Variants in CDH3 observed in about 807,000 individuals in gnomAD.
CDH3 encodes cadherin 3.
CDH3 carries 54 observed loss-of-function variants against 82.0 expected under a neutral mutation model. The observed-to-expected ratio is 0.66, with a 90% CI of 0.53 to 0.83. The LOEUF is 0.83. Ranked by LOEUF, CDH3 falls within the 40% of genes least tolerant of loss-of-function variation. The pLI is 0.00. For missense variants in CDH3, 1,054 were observed against 1,084.6 expected (o/e 0.97, Z 0.40); for synonymous variants, 446 against 437.9 (o/e 1.02, Z -0.23).
intron 2 of CDH3, among the ~76,000 whole-genome samples, chr16:68,649,995 C>G (rs1050068821): frequency 6.6e-6 from 1 of 151,842 alleles, no homozygotes; most frequent in Non-Finnish European, 1.5e-5. Flanking sequence ...GATCACGCCA[C>G]TGTACTCCAG....
Position 68,687,516 on chromosome 16 carries a change from C to T in CDH3, c.1575C>T (p.Ser525=), listed in dbSNP as rs1239884399. 6.2e-7 allele frequency: 1 copy of T among 1,613,612 alleles called. No individual in the cohort carries two copies. The highest frequency in any genetic ancestry group is 2.2e-5 in the East Asian group (1 of 44,866). Reference sequence around the variant, plus strand: ...CATATGTGTCATTACAAACAGGAAGCCCTCCCACCACTGGCACGGGAACCC... The same window carrying T: ...CATATGTGTCATTACAAACAGGAAGTCCTCCCACCACTGGCACGGGAACCC... ...EVMVLAMDNG[S]PPTTGTGTLL... The change falls in exon 12 of 16, where the codon AGC becomes AGT. Residue 525 remains serine (S), a synonymous_variant. Coordinates refer to ENST00000264012, the MANE Select transcript of CDH3 (RefSeq NM_001793.6).
intron 1 of CDH3, among the ~76,000 whole-genome samples, chr16:68,709,620 G>A (rs1962004032): frequency 6.6e-6 from 1 of 152,076 alleles, no homozygotes; most frequent in Non-Finnish European, 1.5e-5. Context: ...CACCACGCCC[G>A]GCTAATTTTT....
intron 1 of CDH3, among the ~76,000 whole-genome samples, chr16:68,714,879 C>G (rs561062694): frequency 6.6e-6 from 1 of 152,132 alleles, no homozygotes; most frequent in Admixed American, 6.5e-5. Context: ...CATGGTGGCC[C>G]GTGTCTGTAG....
chr16:68,660,603 A>G (rs927997453), intron 2 of CDH3, among the ~76,000 whole-genome samples: 18 of 152,202 alleles, frequency 1.2e-4, no homozygotes, highest in African/African-American at 4.1e-4. Context: ...CTTAAACTCA[A>G]ATATTGCTGC....
downstream of CDH3, among the ~76,000 whole-genome samples, chr16:68,731,384 A>AT (rs1962285451): frequency 1.9e-4 from 5 of 26,556 alleles, no homozygotes; most frequent in Non-Finnish European, 3.6e-4. Flanking sequence ...AAAAAAAAAA[A>AT]AAAAAAAAAA....
chr16:68,731,045 A>AC (rs1396395240), downstream of CDH3, among the ~76,000 whole-genome samples: 2 of 17,242 alleles, frequency 1.2e-4, no homozygotes, highest in African/African-American at 2.9e-4. Flanking sequence ...AAAAAAAAAA[A>AC]AAATATATAT....
chr16:68,651,082 C>A, intron 2 of CDH3: 1 of 427,434 alleles, frequency 2.3e-6, no homozygotes, highest in Non-Finnish European at 4.5e-6. Flanking sequence ...CTTCCCTGGG[C>A]CTGGGCAGTC....
At chr16:68,709,122 G>T (rs1212748538) in intron 1 of CDH3, among the ~76,000 whole-genome samples, 2 of 151,948 alleles carry the variant, frequency 1.3e-5, no homozygotes, top group Non-Finnish European at 2.9e-5. Flanking sequence ...CATCTACTAG[G>T]CTGAGTGCAG....
intron 2 of CDH3, chr16:68,722,622 G>C (rs1232497720): frequency 1.3e-5 from 2 of 152,046 alleles, no homozygotes; most frequent in African/African-American, 4.8e-5. Flanking sequence ...CTCTGGTAAG[G>C]GAACAAACTT....
chr16:68,727,738 A>G (rs1958635153), downstream of CDH3, among the ~76,000 whole-genome samples: 1 of 152,054 alleles, frequency 6.6e-6, no homozygotes, highest in African/African-American at 2.4e-5. Context: ...GTGAAACCCC[A>G]TCTGTACTAA....
Position 68,684,685 on chromosome 16 carries a change from G to T in CDH3, c.1285G>T (p.Val429Phe), listed in dbSNP as rs34394404. 6 of 1,614,082 alleles carry T rather than the reference G, an allele frequency of 3.7e-6. No homozygotes were observed. In the African/African-American group the frequency reaches 6.7e-5, roughly 18 times the overall value. ...KLPTSTATIVVHVEDVNEAPV... is the reference protein window; with the variant it reads ...KLPTSTATIVFHVEDVNEAPV... ...CCCAACCTCCACAGCCACCATAGTG[G>T]TCCACGTGGAGGATGTGAATGAGGC... Residue 429 changes from valine (V) to phenylalanine (F), a missense_variant, in exon 10 of 16, where the codon GTC (valine) becomes TTC (phenylalanine). Val to Phe is a conservative substitution (Grantham distance 50). Transcript: ENST00000264012.
chr16:68,713,974 C>G (rs1336638181), intron 1 of CDH3, among the ~76,000 whole-genome samples: 2 of 151,762 alleles, frequency 1.3e-5, no homozygotes, highest in African/African-American at 4.8e-5. Context: ...CGCTCTGTCA[C>G]CCAGGCTGGA....
intron 2 of CDH3, among the ~76,000 whole-genome samples, chr16:68,676,103 C>T (rs1961026890): frequency 6.6e-6 from 1 of 152,106 alleles, no homozygotes; most frequent in Admixed American, 6.5e-5. Flanking sequence ...GGCTAATGTC[C>T]ATGAATGTCT....
chr16:68,680,087 G>GA (rs1331808643), intron 7 of CDH3, 113 bp downstream of exon 7: 2 of 1,041,726 alleles, frequency 1.9e-6, no homozygotes, highest in African/African-American at 3.1e-5. Flanking sequence ...GAACAGTGAG[G>GA]ACCCACGTCA....
chr16:68,661,550 T>C (rs1371121398), intron 2 of CDH3, among the ~76,000 whole-genome samples: 1 of 152,232 alleles, frequency 6.6e-6, no homozygotes, highest in East Asian at 1.9e-4. Flanking sequence ...GCAAGTGAAA[T>C]TGTTGGGTCA....
intron 2 of CDH3, among the ~76,000 whole-genome samples, chr16:68,649,589 C>T (rs1352049648): frequency 6.6e-6 from 1 of 152,088 alleles, no homozygotes; most frequent in Non-Finnish European, 1.5e-5. Context: ...CCATTTGGTC[C>T]ACAGTCGGTG....
chr16:68,719,477 G>C (rs1962136025), intron 1 of CDH3, among the ~76,000 whole-genome samples: 1 of 143,780 alleles, frequency 7.0e-6, no homozygotes. Context: ...GGCACAGGGG[G>C]ATTTTTTGGC....
At chr16:68,658,062 CTTTTTTTTTTT>C (rs113679101) in intron 2 of CDH3, among the ~76,000 whole-genome samples, 1 of 126,146 alleles carries the variant, frequency 7.9e-6, no homozygotes, top group Non-Finnish European at 1.7e-5. Context: ...CTTTTTCTTT[CTTTTTTTTTTT>C]TTTTTTTTTA....
intron 2 of CDH3, among the ~76,000 whole-genome samples, chr16:68,650,638 T>C (rs1019589562): frequency 2.6e-5 from 4 of 152,088 alleles, no homozygotes; most frequent in Non-Finnish European, 4.4e-5. Context: ...CTTCTGTGGG[T>C]ACAGAAACCA....
Sources: gnomAD v4.1 joint callset for allele counts (sites outside exome capture counted in the v4.1 genomes callset) on GRCh38, gnomAD v4.1.1 for gene constraint, MANE v1.5 for transcripts, NCBI Gene and HGNC (gene_info 2026-07-23, HGNC 2026-07-21) for gene names.